Variants in MYH13 observed in about 807,000 individuals in gnomAD.
MYH13 encodes myosin-13.
MYH13 carries 177 observed loss-of-function variants against 232.1 expected under a neutral mutation model. That is an observed-to-expected ratio of 0.76 (90% CI 0.67 to 0.86). The LOEUF is 0.86. Ranked by LOEUF, MYH13 falls within the 40% of genes least tolerant of loss-of-function variation. The pLI, the probability that MYH13 is intolerant of heterozygous loss-of-function variation, is 0.00. For missense variants in MYH13, 2,246 were observed against 2,405.9 expected (o/e 0.93, Z 1.39); for synonymous variants, 884 against 923.5 (o/e 0.96, Z 0.78).
At chr17:10,330,809 G>T (rs781678810) in intron 20 of MYH13, among the ~76,000 whole-genome samples, 9 of 151,966 alleles carry the variant, frequency 5.9e-5, no homozygotes, top group Admixed American at 1.3e-4. Flanking sequence ...TTGAGGTCAG[G>T]AGTTCGAGAC....
chr17:10,324,295 T>C (rs1305562143), intron 22 of MYH13, 31 bp from the exon 23 acceptor site: 6 of 1,609,744 alleles, frequency 3.7e-6, no homozygotes, highest in East Asian at 2.2e-5. Flanking sequence ...TATGTTTTGA[T>C]TGGCCTCTTT....
In MYH13 at chr17:10,324,270, A is replaced by G. The variant is rs1411888161; in HGVS notation, c.2692-6T>C. 20 of 1,613,052 alleles carry G rather than the reference A, an allele frequency of 1.2e-5. No homozygotes were observed. In the Middle Eastern group the frequency reaches 6.6e-4, roughly 53 times the overall value. ...TCCATCAGATTTTCTGTTTCCTGAA[A>G]GAACCAGGTCATTTTATGTTTTGAT... On this transcript the variant is annotated splice_polypyrimidine_tract_variant and splice_region_variant and intron_variant, in intron 22 of 40. Transcript: ENST00000252172.
chr17:10,322,630 G>GT (rs769352001), intron 23 of MYH13, among the ~76,000 whole-genome samples: 5,176 of 107,532 alleles, frequency 0.048, 261 homozygotes, highest in African/African-American at 0.069. Context: ...TGTTACAGTT[G>GT]TTTTTTTTTT....
At chr17:10,343,445 C>G (rs1285560380) in intron 16 of MYH13, among the ~76,000 whole-genome samples, 2 of 152,174 alleles carry the variant, frequency 1.3e-5, no homozygotes, top group Non-Finnish European at 2.9e-5. Flanking sequence ...TGATCGGCCC[C>G]CGCCTTGGCC....
At chr17:10,364,205 A>G in intron 3 of MYH13, 122 bp downstream of exon 3, 1 of 1,032,326 alleles carries the variant, frequency 9.7e-7, no homozygotes, top group South Asian at 1.6e-5. Context: ...ACCGCAGAAC[A>G]GATAAACTAA....
At chr17:10,307,095 G>C (rs1251191875) in intron 35 of MYH13, 31 bp from the exon 36 acceptor site, 1 of 1,609,888 alleles carries the variant, frequency 6.2e-7, no homozygotes, top group African/African-American at 1.3e-5. Context: ...CAGGGGTGTG[G>C]GTTCTATTGG....
At chr17:10,301,956 A>G (rs1906110392) in intron 39 of MYH13, among the ~76,000 whole-genome samples, 1 of 152,122 alleles carries the variant, frequency 6.6e-6, no homozygotes, top group South Asian at 2.1e-4. Context: ...AATCTCTTCT[A>G]TATGGTATCT....
intron 11 of MYH13, among the ~76,000 whole-genome samples, chr17:10,354,226 G>A (rs980318250): frequency 3.3e-5 from 5 of 152,190 alleles, no homozygotes; most frequent in Admixed American, 6.5e-5. Flanking sequence ...GTACTGAGGA[G>A]CTGAGTGTCT....
At position 10,309,831 on chromosome 17, in the gene MYH13, C is replaced by T. The variant is rs1297444858; in HGVS notation, c.4657-1G>A. On this transcript the variant is annotated splice_acceptor_variant, in intron 33 of 40. Coordinates refer to ENST00000252172, the MANE Select transcript of MYH13 (RefSeq NM_003802.3). LOFTEE classifies it high-confidence loss of function. ...TGCTCTCCTCGTGTTCCAAGGAACCCTGACGAAAGCAAAGGAGTGATTGAG... is the reference window on the plus strand; with the variant it reads ...TGCTCTCCTCGTGTTCCAAGGAACCTTGACGAAAGCAAAGGAGTGATTGAG... 2.6e-6 allele frequency: 4 copies of T among 1,560,372 alleles called. No individual in the cohort carries two copies. Among genetic ancestry groups the T allele is most frequent in the South Asian group, 1.2e-5 (1 of 83,470 alleles).
chr17:10,371,304 T>G (rs979634485), intron 1 of MYH13, 45 bp from the exon 2 acceptor site: 1 of 152,106 alleles, frequency 6.6e-6, no homozygotes, highest in Non-Finnish European at 1.5e-5. Context: ...AAAACCCAAA[T>G]GAGCTACAAA....
intron 15 of MYH13, 137 bp from the exon 16 acceptor site, chr17:10,344,246 T>C: frequency 7.6e-7 from 1 of 1,313,408 alleles, no homozygotes; most frequent in Non-Finnish European, 1.0e-6. Context: ...AGAGCAAGAC[T>C]CTTGGTCTGT....
chr17:10,309,921 G>A (rs1906445560), intron 33 of MYH13, 91 bp from the exon 34 acceptor site: 3 of 1,033,372 alleles, frequency 2.9e-6, no homozygotes, highest in South Asian at 5.0e-5. Context: ...ATGGGTATGC[G>A]TTTTTTTAAA....
intron 2 of MYH13, among the ~76,000 whole-genome samples, chr17:10,369,894 G>C (rs915103214): frequency 6.6e-6 from 1 of 152,186 alleles, no homozygotes; most frequent in African/African-American, 2.4e-5. Context: ...CTCTCCATTT[G>C]TTCTCCATTT....
intron 2 of MYH13, among the ~76,000 whole-genome samples, chr17:10,364,871 ACTTT>A (rs57405983): frequency 5.3e-5 from 8 of 151,688 alleles, no homozygotes; most frequent in Admixed American, 6.6e-5. Context: ...TTCAGGAAGC[ACTTT>A]CTTTCTTTCT....
chr17:10,314,082 G>T (rs1238531983), intron 29 of MYH13, among the ~76,000 whole-genome samples: 1 of 152,322 alleles, frequency 6.6e-6, no homozygotes, highest in South Asian at 2.1e-4. Flanking sequence ...CAAAGAGAGA[G>T]TTCTGTCAGC....
intron 39 of MYH13, among the ~76,000 whole-genome samples, chr17:10,302,631 C>T (rs943319828): frequency 2.0e-5 from 3 of 152,192 alleles, no homozygotes; most frequent in African/African-American, 7.2e-5. Context: ...GAACCAGTGT[C>T]CTCAGAAGAC....
chr17:10,301,042 C>T (rs551048921), intron 40 of MYH13, 77 bp from the exon 41 acceptor site: 7 of 1,342,172 alleles, frequency 5.2e-6, no homozygotes, highest in Non-Finnish European at 7.4e-6. Context: ...TGAAGTGAAG[C>T]AGCTGGAAAA....
chr17:10,300,913 C>G lies in MYH13; in HGVS notation c.*38G>C, dbSNP rs561522340. 2.5e-6 allele frequency: 4 copies of G among 1,607,426 alleles called. No individual in the cohort carries two copies. In the African/African-American group the frequency reaches 4.0e-5, roughly 16 times the overall value. ...TTCTCACACATTTTCCCTCCACTCT[C>G]TCGGAGGTGTCCCATGGCAACGAGC... On this transcript the variant is annotated 3_prime_UTR_variant, in exon 41 of 41. Coordinates refer to ENST00000252172, the MANE Select transcript of MYH13 (RefSeq NM_003802.3).
chr17:10,350,760 CAAAG>C, intron 11 of MYH13, 66 bp from the exon 12 acceptor site: 1 of 1,594,576 alleles, frequency 6.3e-7, no homozygotes. Flanking sequence ...CTTTTCTTGG[CAAAG>C]ACCTTACCTC....
Sources: allele counts gnomAD v4.1 joint callset (sites outside exome capture counted in the v4.1 genomes callset), GRCh38; gene constraint gnomAD v4.1.1; transcripts MANE v1.5; gene names NCBI Gene and HGNC (gene_info 2026-07-23, HGNC 2026-07-21).